Variants in TENM3 observed in about 807,000 individuals in gnomAD.
The protein encoded by TENM3 is teneurin-3.
TENM3 carries 63 observed loss-of-function variants against 255.1 expected under a neutral mutation model. The observed-to-expected ratio is 0.25, with a 90% CI of 0.20 to 0.30. The LOEUF (loss-of-function observed/expected upper bound fraction) is 0.30. Among genes scored for constraint, TENM3 ranks in the 10% least tolerant of loss-of-function variants. The probability of loss-of-function intolerance (pLI) is 1.00; values close to 1 mark genes in which losing one functional copy is unlikely to be tolerated. For missense variants in TENM3, 2,929 were observed against 3,461.1 expected (o/e 0.85, Z 3.86); for synonymous variants, 1,306 against 1,322.3 (o/e 0.99, Z 0.27).
At chr4:182,164,764 TTGAA>T (rs1214635869) in intron 1 of TENM3, among the ~76,000 whole-genome samples, 5 of 152,196 alleles carry the variant, frequency 3.3e-5, no homozygotes, top group African/African-American at 1.2e-4. Flanking sequence ...TATTTATTGG[TTGAA>T]TGAGCAAATG....
chr4:182,014,565 G>A, the TENM3 span, among the ~76,000 whole-genome samples: 1 of 151,742 alleles, frequency 6.6e-6, no homozygotes, highest in Non-Finnish European at 1.5e-5. Flanking sequence ...AAAACCCAGA[G>A]GCAATGGTAG....
At chr4:182,219,767 A>G (rs1168467973) in intron 1 of TENM3, among the ~76,000 whole-genome samples, 1 of 152,234 alleles carries the variant, frequency 6.6e-6, no homozygotes, top group Non-Finnish European at 1.5e-5. Flanking sequence ...TAATTGTTTC[A>G]GTTTACATTG....
the TENM3 span, among the ~76,000 whole-genome samples, chr4:181,590,618 C>A: frequency 6.6e-6 from 1 of 152,258 alleles, no homozygotes; most frequent in African/African-American, 2.4e-5. Context: ...GCTCCTTATC[C>A]TTTAGGAGGA....
chr4:182,317,222 GTC>G (rs1016174325), intron 1 of TENM3, among the ~76,000 whole-genome samples: 1 of 152,060 alleles, frequency 6.6e-6, no homozygotes, highest in African/African-American at 2.4e-5. Context: ...ATTTTTCTCT[GTC>G]TCTGAATCTT....
chr4:182,262,873 C>A (rs964192579), intron 1 of TENM3, among the ~76,000 whole-genome samples: 3 of 151,948 alleles, frequency 2.0e-5, no homozygotes, highest in Non-Finnish European at 4.4e-5. Context: ...ACCACCACGC[C>A]CGGCTAATTG....
chr4:181,562,921 C>T, the TENM3 span, among the ~76,000 whole-genome samples: 6 of 152,218 alleles, frequency 3.9e-5, no homozygotes, highest in African/African-American at 1.4e-4. Flanking sequence ...GTGATTAGCC[C>T]GCCTGGGCCT....
chr4:181,473,685 A>G, the TENM3 span, among the ~76,000 whole-genome samples: 1 of 151,948 alleles, frequency 6.6e-6, no homozygotes, highest in African/African-American at 2.4e-5. Flanking sequence ...GAGACAAGAC[A>G]TGCCTATGGG....
the TENM3 span, among the ~76,000 whole-genome samples, chr4:181,627,842 G>T: frequency 6.6e-6 from 1 of 152,134 alleles, no homozygotes; most frequent in African/African-American, 2.4e-5. Context: ...AATCCTTTGG[G>T]TATATGCCCA....
the TENM3 span, among the ~76,000 whole-genome samples, chr4:182,075,401 T>C: frequency 6.6e-6 from 1 of 152,066 alleles, no homozygotes; most frequent in Non-Finnish European, 1.5e-5. Context: ...GGTTTCACCA[T>C]GTTGGCCAGG....
intron 4 of TENM3, among the ~76,000 whole-genome samples, chr4:182,623,160 A>G (rs1380728524): frequency 3.3e-5 from 5 of 150,398 alleles, no homozygotes; most frequent in Admixed American, 6.6e-5. Flanking sequence ...ACAGGCGCCC[A>G]CCACCACGCC....
At chr4:181,466,537 A>G in the TENM3 span, among the ~76,000 whole-genome samples, 4 of 152,278 alleles carry the variant, frequency 2.6e-5, no homozygotes, top group African/African-American at 9.6e-5. Context: ...TTCCTATAGA[A>G]TCCATTATTA....
chr4:182,497,896 G>T (rs570902097), intron 3 of TENM3, among the ~76,000 whole-genome samples: 1 of 135,944 alleles, frequency 7.4e-6, no homozygotes, highest in Admixed American at 7.1e-5. Context: ...CAACCTAGAT[G>T]TATATAGATT....
At chr4:181,544,693 T>C in the TENM3 span, among the ~76,000 whole-genome samples, 1 of 152,192 alleles carries the variant, frequency 6.6e-6, no homozygotes, top group Admixed American at 6.5e-5. Flanking sequence ...ATCAAGTGAT[T>C]TTGGATTATC....
At chr4:182,234,194 C>T (rs2150030530) in intron 1 of TENM3, among the ~76,000 whole-genome samples, 1 of 152,258 alleles carries the variant, frequency 6.6e-6, no homozygotes, top group South Asian at 2.1e-4. Flanking sequence ...TCTCTAACCT[C>T]TGTCTTAGAG....
At chr4:181,983,250 A>G in the TENM3 span, among the ~76,000 whole-genome samples, 1 of 152,148 alleles carries the variant, frequency 6.6e-6, no homozygotes, top group Non-Finnish European at 1.5e-5. Context: ...CATGCCCAGC[A>G]CCACAGACAG....
chr4:182,008,653 T>C, the TENM3 span, among the ~76,000 whole-genome samples: 1 of 152,032 alleles, frequency 6.6e-6, no homozygotes, highest in Non-Finnish European at 1.5e-5. Context: ...CTTAGCTTCT[T>C]TGTATTGGGT....
At chr4:182,778,207 A>G (rs1369359428) in intron 24 of TENM3, among the ~76,000 whole-genome samples, 1 of 152,188 alleles carries the variant, frequency 6.6e-6, no homozygotes, top group Non-Finnish European at 1.5e-5. Flanking sequence ...ATGGTGTTCT[A>G]ATAATAAAAT....
chr4:182,350,563 T>G (rs1765102258), intron 3 of TENM3, among the ~76,000 whole-genome samples: 1 of 152,136 alleles, frequency 6.6e-6, no homozygotes, highest in Non-Finnish European at 1.5e-5. Flanking sequence ...TAACAGCAGT[T>G]TGAGTAAAAA....
At chr4:181,617,046 A>G in the TENM3 span, among the ~76,000 whole-genome samples, 3 of 152,170 alleles carry the variant, frequency 2.0e-5, no homozygotes, top group African/African-American at 4.8e-5. Context: ...AGTGTCTTCT[A>G]TATTCCCATC....
Sources: gnomAD v4.1 joint callset for allele counts (sites outside exome capture counted in the v4.1 genomes callset) on GRCh38, gnomAD v4.1.1 for gene constraint, MANE v1.5 for transcripts, NCBI Gene and HGNC (gene_info 2026-07-23, HGNC 2026-07-21) for gene names.